The following TENM2 variants were observed in gnomAD, a reference collection of about 807,000 sequenced individuals.
TENM2 encodes the protein teneurin-2.
A neutral mutation model predicts 245.2 loss-of-function variants in TENM2; 52 were observed. The observed-to-expected ratio is 0.21, with a 90% CI of 0.17 to 0.27. TENM2 has a LOEUF of 0.27. TENM2 is among the 10% of genes least tolerant of loss of function. The pLI, the probability that TENM2 is intolerant of heterozygous loss-of-function variation, is 1.00. For synonymous variants in TENM2, 1,363 were observed against 1,438.9 expected, an observed-to-expected ratio of 0.95 and a Z score of 1.19; for missense variants, 3,046 against 3,666.8, an observed-to-expected ratio of 0.83 and a Z score of 4.37.
chr5:168,238,221 GAAGAAAAGAAAAGAA>G (rs1182778870), intron 25 of TENM2, among the ~76,000 whole-genome samples: 785 of 24,334 alleles, frequency 0.032, 21 homozygotes, highest in Non-Finnish European at 0.045. Context: ...GAGGGAGAGA[GAAGAAAAGAAAAGAA>G]AAGAAAAGAA....
At chr5:168,248,163 C>A (rs779573725) in exon 27 of TENM2, 42 of 1,613,908 alleles carry the variant, frequency 2.6e-5, no homozygotes, top group Non-Finnish European at 3.3e-5. Flanking sequence ...TCCAGATGGT[C>A]ATTGGCTTCC....
chr5:167,203,968 A>G, the TENM2 span, among the ~76,000 whole-genome samples: 82 of 152,280 alleles, frequency 5.4e-4, no homozygotes, highest in East Asian at 0.015. Flanking sequence ...TGGATGCATT[A>G]TAATGCAATG....
chr5:167,618,849 C>T (rs1453111723), intron 2 of TENM2, among the ~76,000 whole-genome samples: 1 of 152,084 alleles, frequency 6.6e-6, no homozygotes, highest in Admixed American at 6.5e-5. Context: ...TCTCCACTCC[C>T]TCTCCCCGCA....
intron 2 of TENM2, among the ~76,000 whole-genome samples, chr5:167,642,867 G>C (rs1020523646): frequency 2.0e-5 from 3 of 152,156 alleles, no homozygotes; most frequent in Non-Finnish European, 2.9e-5. Flanking sequence ...TAGTATGTGA[G>C]AAAGGGGAAC....
the TENM2 span, among the ~76,000 whole-genome samples, chr5:167,244,952 GA>G: frequency 5.5e-5 from 8 of 144,320 alleles, no homozygotes; most frequent in South Asian, 2.2e-4. Context: ...ATGACCAAAA[GA>G]AAAAAAAAAC....
Position 167,754,701 on chromosome 5 carries a change from A to G in TENM2, c.503-121285A>G, listed in dbSNP as rs73801382. Among the ~76,000 whole-genome samples the G allele has an allele frequency of 7.5e-3, 1,114 of 149,524 alleles. 10 individuals carry two copies. The highest frequency in any genetic ancestry group is 0.025 in the African/African-American group (1,023 of 40,524). On this transcript the variant is annotated intron_variant, in intron 2 of 28. Coordinates refer to ENST00000518659, the Ensembl canonical transcript of TENM2. The stretch of plus-strand genomic sequence containing the variant: ...TGCACACACATGTACACACATGCAC[A>G]TGAACAAACCTTTTTAAGAGATATT...
chr5:167,742,463 A>G (rs1761246751), intron 2 of TENM2, among the ~76,000 whole-genome samples: 1 of 151,822 alleles, frequency 6.6e-6, no homozygotes, highest in Non-Finnish European at 1.5e-5. Context: ...CACCCAATAT[A>G]TTGTCATTTT....
intron 2 of TENM2, among the ~76,000 whole-genome samples, chr5:167,698,007 C>A (rs191288486): frequency 4.7e-4 from 71 of 151,762 alleles, no homozygotes; most frequent in African/African-American, 1.7e-3. Context: ...TATTAGGGTT[C>A]AAACAAGTGC....
chr5:167,622,232 A>ATT (rs1778221719), intron 2 of TENM2, among the ~76,000 whole-genome samples: 2 of 152,034 alleles, frequency 1.3e-5, no homozygotes, highest in Non-Finnish European at 2.9e-5. Flanking sequence ...GCTGAGGGAG[A>ATT]CATGATGAGA....
intron 2 of TENM2, among the ~76,000 whole-genome samples, chr5:167,730,558 T>C (rs1030239730): frequency 6.6e-6 from 1 of 152,156 alleles, no homozygotes; most frequent in Non-Finnish European, 1.5e-5. Flanking sequence ...GACACAGCTC[T>C]CCACTCTCCC....
At chr5:167,003,535 T>G in the TENM2 span, among the ~76,000 whole-genome samples, 1 of 152,214 alleles carries the variant, frequency 6.6e-6, no homozygotes, top group Non-Finnish European at 1.5e-5. Flanking sequence ...AGCTTCTGTC[T>G]TGTAGCATCA....
chr5:167,783,716 G>A (rs201487777), intron 2 of TENM2, among the ~76,000 whole-genome samples: 6 of 152,060 alleles, frequency 3.9e-5, no homozygotes, highest in East Asian at 1.9e-4. Context: ...TTAGCATTAC[G>A]AAACCATCAG....
At chr5:167,332,568 G>A (rs1757523861) in intron 1 of TENM2, among the ~76,000 whole-genome samples, 1 of 152,164 alleles carries the variant, frequency 6.6e-6, no homozygotes, top group Non-Finnish European at 1.5e-5. Context: ...GGCAGTGGAC[G>A]CTTGGCTCTG....
At chr5:167,397,808 G>T (rs1762142410) in intron 2 of TENM2, among the ~76,000 whole-genome samples, 1 of 152,106 alleles carries the variant, frequency 6.6e-6, no homozygotes, top group African/African-American at 2.4e-5. Flanking sequence ...TTCGCATCAA[G>T]AAAAAGTCTC....
intron 10 of TENM2, among the ~76,000 whole-genome samples, chr5:168,122,138 A>G (rs1795509701): frequency 6.6e-6 from 1 of 152,148 alleles, no homozygotes; most frequent in African/African-American, 2.4e-5. Context: ...TGTGCTAGGC[A>G]TGAGACACCA....
chr5:167,129,947 G>A, the TENM2 span, among the ~76,000 whole-genome samples: 56 of 152,286 alleles, frequency 3.7e-4, no homozygotes, highest in Non-Finnish European at 6.8e-4. Flanking sequence ...CCAGGGCTGA[G>A]GTTCTGAGGG....
At chr5:167,879,942 G>A (rs1184434022) in intron 3 of TENM2, among the ~76,000 whole-genome samples, 1 of 152,108 alleles carries the variant, frequency 6.6e-6, no homozygotes, top group Non-Finnish European at 1.5e-5. Flanking sequence ...GGATCAATAA[G>A]TTGCCTGTCT....
chr5:167,667,726 G>A (rs1312319840), intron 2 of TENM2, among the ~76,000 whole-genome samples: 3 of 152,204 alleles, frequency 2.0e-5, no homozygotes, highest in Non-Finnish European at 2.9e-5. Context: ...TCTTTAGGCA[G>A]CCATGTATGT....
intron 3 of TENM2, among the ~76,000 whole-genome samples, chr5:167,916,636 G>A (rs767389279): frequency 3.3e-4 from 50 of 152,098 alleles, no homozygotes; most frequent in Admixed American, 2.6e-4. Context: ...GCCGAGAAGC[G>A]CATCTCCAGG....
Sources: gnomAD v4.1 joint callset for allele counts (sites outside exome capture counted in the v4.1 genomes callset) on GRCh38, gnomAD v4.1.1 for gene constraint, MANE v1.5 for transcripts, NCBI Gene and HGNC (gene_info 2026-07-23, HGNC 2026-07-21) for gene names.